Variants in PRKAR1A observed in about 807,000 individuals in gnomAD.
The protein encoded by PRKAR1A is protein kinase cAMP-dependent type I regulatory subunit alpha.
Under a neutral mutation model 52.0 loss-of-function variants are expected in PRKAR1A, and 3 were observed. The observed-to-expected ratio is 0.06, with a 90% CI of 0.03 to 0.15. The LOEUF (loss-of-function observed/expected upper bound fraction) is 0.15. Ranked by LOEUF, PRKAR1A falls within the 10% of genes least tolerant of loss-of-function variation. The pLI is 1.00. For missense variants in PRKAR1A, 240 were observed against 477.4 expected, an observed-to-expected ratio of 0.50 and a Z score of 4.63; for synonymous variants, 188 against 168.4, an observed-to-expected ratio of 1.12 and a Z score of -0.90.
chr17:68,482,065 T>C, the PRKAR1A span, among the ~76,000 whole-genome samples: 1 of 152,068 alleles, frequency 6.6e-6, no homozygotes, highest in South Asian at 2.1e-4. Flanking sequence ...TGTGTTCCAG[T>C]GGGGGATGTA....
the PRKAR1A span, among the ~76,000 whole-genome samples, chr17:68,496,562 C>G: frequency 6.6e-6 from 1 of 152,148 alleles, no homozygotes; most frequent in South Asian, 2.1e-4. Context: ...TACTGTAACA[C>G]TTCAACATGT....
chr17:68,534,512 A>G (rs2086051488), downstream of PRKAR1A, among the ~76,000 whole-genome samples: 1 of 150,796 alleles, frequency 6.6e-6, no homozygotes, highest in South Asian at 2.1e-4. Flanking sequence ...AGGGATGCTC[A>G]TCTTTCATAC....
At chr17:68,452,152 T>C in the PRKAR1A span, among the ~76,000 whole-genome samples, 4 of 152,248 alleles carry the variant, frequency 2.6e-5, no homozygotes, top group Admixed American at 1.3e-4. Context: ...TCACTAGACA[T>C]GCTTCAACAT....
the PRKAR1A span, chr17:68,436,280 A>T: frequency 9.6e-7 from 1 of 1,041,720 alleles, no homozygotes; most frequent in Non-Finnish European, 1.5e-6. Flanking sequence ...GCTTACTCCC[A>T]CCGCCTCCAG....
chr17:68,498,663 C>T, the PRKAR1A span, among the ~76,000 whole-genome samples: 1 of 152,268 alleles, frequency 6.6e-6, no homozygotes, highest in Admixed American at 6.5e-5. Flanking sequence ...CAGCTCCCCA[C>T]TCAGTTCTTG....
chr17:68,501,972 C>T, the PRKAR1A span, among the ~76,000 whole-genome samples: 4 of 152,172 alleles, frequency 2.6e-5, no homozygotes, highest in Non-Finnish European at 5.9e-5. Context: ...TCACATCAAT[C>T]CCTAGGTTCT....
At chr17:68,428,979 G>T in the PRKAR1A span, 1 of 1,483,142 alleles carries the variant, frequency 6.7e-7, no homozygotes. Flanking sequence ...CAACGAAGAT[G>T]GGCGATGGAT....
chr17:68,443,395 G>A, the PRKAR1A span, among the ~76,000 whole-genome samples: 1 of 152,168 alleles, frequency 6.6e-6, no homozygotes, highest in Non-Finnish European at 1.5e-5. Context: ...TTATAGGTGT[G>A]AGCCACCGCA....
the PRKAR1A span, chr17:68,436,443 T>A: frequency 6.2e-7 from 1 of 1,613,848 alleles, no homozygotes; most frequent in Non-Finnish European, 8.5e-7. Context: ...ATAGGCCAGG[T>A]AAGAATTGGA....
Position 68,515,565 on chromosome 17 carries a change from A to G in PRKAR1A, c.166A>G (p.Arg56Gly), listed in dbSNP as rs1471017649. ...GGCATTCCTCAGGGAATACTTTGAG[A>G]GGTTGGAGAAGGTAAAAATAAATGT... is the stretch of plus-strand genomic sequence containing the variant. ...PMAFLREYFERLEKEEAKQIQ... is the reference protein window; with the variant it reads ...PMAFLREYFEGLEKEEAKQIQ... Residue 56 changes from arginine to glycine, a missense_variant, in exon 2 of 11, where the codon AGG becomes GGG. Around this residue, in one of 4 missense-constraint regions of PRKAR1A, gnomAD observed 107 missense variants for 114.6 expected, o/e 0.93. Transcript: ENST00000589228. The G allele has an allele frequency of 1.2e-6, 2 of 1,612,100 alleles. No homozygotes were observed. The highest frequency in any genetic ancestry group is 1.7e-6 in the Non-Finnish European group (2 of 1,179,860).
Position 68,531,453 on chromosome 17 carries a change from T to A in PRKAR1A, c.*1004T>A, listed in dbSNP as rs534455951. The A allele has an allele frequency of 1.5e-5, 16 of 1,066,162 alleles. No homozygotes were observed. The East Asian group carries it at 7.9e-4, about 53-fold the overall frequency. The allele number at this position is 1,066,162 out of a possible 1,614,324, so 66.0% of individuals were successfully genotyped here. A position where few individuals can be genotyped will look rare whatever the true frequency, so the allele number is the denominator to read the frequency against. On this transcript the variant is annotated 3_prime_UTR_variant, in exon 11 of 11. Coordinates refer to ENST00000589228, the MANE Select transcript of PRKAR1A (RefSeq NM_002734.5). Reference sequence around the variant, plus strand: ...CCTAACAGAGAAATAGAGGTGATGCTGCTAAAGGGAGAAATGCCAGGCGGA... The same window carrying A: ...CCTAACAGAGAAATAGAGGTGATGCAGCTAAAGGGAGAAATGCCAGGCGGA...
chr17:68,489,107 G>A, the PRKAR1A span, among the ~76,000 whole-genome samples: 4 of 143,648 alleles, frequency 2.8e-5, no homozygotes, highest in Admixed American at 7.1e-5. Flanking sequence ...TGAAGTTATC[G>A]GTTAAAGATT....
downstream of PRKAR1A, among the ~76,000 whole-genome samples, chr17:68,538,124 CT>C (rs767275182): frequency 6.6e-5 from 10 of 152,208 alleles, no homozygotes; most frequent in Non-Finnish European, 1.5e-5. Flanking sequence ...TATTTGCTGT[CT>C]CAAAATCCCC....
chr17:68,537,391 CAGGT>C (rs774092491), downstream of PRKAR1A: 22 of 1,559,966 alleles, frequency 1.4e-5, 2 homozygotes, highest in South Asian at 2.4e-4. The surrounding 1 kb of genome is among the most constrained non-coding windows in gnomAD (Gnocchi z 4.2). Context: ...CCAGCAGTAA[CAGGT>C]GGGAGTGAGG....
the PRKAR1A span, among the ~76,000 whole-genome samples, chr17:68,448,634 C>T: frequency 6.6e-6 from 1 of 152,190 alleles, no homozygotes. Context: ...AGAAATCATA[C>T]AAGCAAATAC....
chr17:68,505,440 T>C, the PRKAR1A span, among the ~76,000 whole-genome samples: 2 of 152,230 alleles, frequency 1.3e-5, no homozygotes, highest in South Asian at 4.1e-4. Context: ...GATGTAAATG[T>C]AATTACACAT....
At chr17:68,494,077 T>C in the PRKAR1A span, among the ~76,000 whole-genome samples, 2 of 152,266 alleles carry the variant, frequency 1.3e-5, no homozygotes, top group Admixed American at 1.3e-4. Context: ...TGTATTTTTC[T>C]ATATTGAAAA....
the PRKAR1A span, among the ~76,000 whole-genome samples, chr17:68,414,849 T>C: frequency 6.6e-6 from 1 of 152,196 alleles, no homozygotes; most frequent in African/African-American, 2.4e-5. Flanking sequence ...TGAATGATCT[T>C]TTGTATTTTT....
chr17:68,487,778 C>T, the PRKAR1A span, among the ~76,000 whole-genome samples: 4 of 142,196 alleles, frequency 2.8e-5, no homozygotes, highest in East Asian at 2.0e-4. Context: ...CCAGCCTGGG[C>T]GACAGAGTAA....
Sources: gnomAD v4.1 joint callset for allele counts (sites outside exome capture counted in the v4.1 genomes callset) on GRCh38, gnomAD v4.1.1 for gene constraint, gnomAD v4.1.1 regional missense constraint, Gnocchi (gnomAD v3.1) non-coding constraint, MANE v1.5 for transcripts, NCBI Gene and HGNC (gene_info 2026-07-23, HGNC 2026-07-21) for gene names.